ADIPOR1: variants seen among roughly 807,000 people sequenced by gnomAD.
ADIPOR1 encodes the protein adiponectin receptor protein 1.
Under a neutral mutation model 37.5 loss-of-function variants are expected in ADIPOR1, and 15 were observed. The ratio of observed to expected loss-of-function variants is 0.40; its 90% CI spans 0.27 to 0.62. The LOEUF (loss-of-function observed/expected upper bound fraction) is 0.62. Ranked by LOEUF, ADIPOR1 falls within the 20% of genes least tolerant of loss-of-function variation. ADIPOR1 has a pLI of 0.42. For synonymous variants in ADIPOR1, 173 were observed against 173.2 expected, an observed-to-expected ratio of 1.00 and a Z score of 0.01; for missense variants, 286 against 478.0, an observed-to-expected ratio of 0.60 and a Z score of 3.75.
In ADIPOR1 at chr1:202,945,129, G is replaced by A. The variant is rs751230747; in HGVS notation, c.471C>T (p.Leu157=). The A allele has an allele frequency of 6.2e-7, 1 of 1,612,848 alleles. No individual in the cohort carries two copies. Among genetic ancestry groups the A allele is most frequent in the Admixed American group, 1.7e-5 (1 of 59,648 alleles). The change falls in exon 5 of 8, where the codon CTC becomes CTT. Residue 157 remains leucine (L), a synonymous_variant. Transcript: ENST00000340990. ...GGGCCATGAAGTACATATTTGGTCT[G>A]AGCATGGTCAAGATTCCCAAAAAGA... The part of the protein sequence containing the change: ...LFLFLGILTM[L]RPNMYFMAPL...
rs1331188165 is a variant in ADIPOR1 at position 202,942,182 on chromosome 1, G to A, written c.842C>T (p.Pro281Leu). Reference protein sequence around the residue: ...FLGLGLSGVVPTMHFTIAEGF... With the variant: ...FLGLGLSGVVLTMHFTIAEGF... ...CTCAGCGATAGTAAAGTGCATGGTG[G>A]GCACGACGCCACTCAAGCCAAGTCC... The change falls in exon 7 of 8, where the codon CCC becomes CTC. Residue 281 changes from proline to leucine, a missense_variant. By Grantham distance (98) the Pro-to-Leu change is moderately conservative (BLOSUM62 -3). Transcript: ENST00000340990. 6.2e-7 allele frequency: 1 copy of A among 1,613,962 alleles called. No homozygotes were observed.
chr1:202,954,349 G>A (rs1654697166), intron 1 of ADIPOR1: 1 of 152,324 alleles, frequency 6.6e-6, no homozygotes, highest in Admixed American at 6.5e-5. Flanking sequence ...ATAGGGATCG[G>A]ACGTCTGGCA....
chr1:202,950,830 T>C (rs1654546616), intron 2 of ADIPOR1, 100 bp downstream of exon 2: 12 of 1,485,028 alleles, frequency 8.1e-6, no homozygotes, highest in Admixed American at 5.4e-5. Flanking sequence ...CAGGATGCAA[T>C]GTTCCTCCTT....
At position 202,943,761 on chromosome 1, in the gene ADIPOR1, C is replaced by A; in HGVS notation, c.802G>T (p.Ala268Ser). The A allele has an allele frequency of 6.2e-7, 1 of 1,613,046 alleles. No individual in the cohort carries two copies. The highest frequency in any genetic ancestry group is 8.5e-7 in the Non-Finnish European group (1 of 1,179,888). ...GTACGTACATCTTCCGACCTACCTG[C>A]TCTTGTCTGCCGGTGCTTAGGAGTG... is the stretch of plus-strand genomic sequence containing the variant. ...FATPKHRQTR[A>S]GVFLGLGLSG... is the part of the protein sequence containing the mutation. Residue 268 changes from alanine to serine, a missense_variant, in exon 6 of 8, where the codon GCA becomes TCA. By Grantham distance (99) the Ala-to-Ser change is moderately conservative. Transcript: ENST00000340990.
At position 202,948,427 on chromosome 1, in the gene ADIPOR1, G is replaced by T. The variant is rs1654421310; in HGVS notation, c.142-7C>A. On this transcript the variant is annotated splice_polypyrimidine_tract_variant and splice_region_variant and intron_variant, in intron 2 of 7. Transcript: ENST00000340990. ...ATGTTTGCTCTTCTTCAGCCTATGG[G>T]GGAAAAAACCCACAACAATCCAGGG... The T allele has an allele frequency of 6.2e-7, 1 of 1,611,778 alleles. No homozygotes were observed. The highest frequency in any genetic ancestry group is 1.7e-5 in the Admixed American group (1 of 59,976).
At chr1:202,941,815 AACATT>A in intron 7 of ADIPOR1, 114 bp from the exon 8 acceptor site, 1 of 1,365,276 alleles carries the variant, frequency 7.3e-7, no homozygotes, top group South Asian at 1.5e-5. Context: ...ATTTGTTAAT[AACATT>A]AAAGTGGTAT....
intron 6 of ADIPOR1, among the ~76,000 whole-genome samples, chr1:202,942,846 A>G (rs1483097750): frequency 2.0e-5 from 3 of 148,054 alleles, no homozygotes; most frequent in African/African-American, 7.5e-5. Flanking sequence ...AATTATTATT[A>G]TTTTTTTCTT....
At chr1:202,957,050 A>G (rs1462990632) in intron 1 of ADIPOR1, among the ~76,000 whole-genome samples, 2 of 152,218 alleles carry the variant, frequency 1.3e-5, no homozygotes, top group Non-Finnish European at 2.9e-5. Context: ...ATGGGTACAT[A>G]AAAGTTATTC....
chr1:202,945,252 G>T, intron 4 of ADIPOR1, 83 bp from the exon 5 acceptor site: 1 of 1,261,960 alleles, frequency 7.9e-7, no homozygotes, highest in Non-Finnish European at 1.1e-6. Flanking sequence ...GAATCAGAGA[G>T]CTACAGGCAA....
chr1:202,958,547 C>G (rs1654880121), upstream of ADIPOR1: 1 of 152,434 alleles, frequency 6.6e-6, no homozygotes, highest in East Asian at 1.9e-4. Flanking sequence ...CACTCCACCT[C>G]GTTATCGCAG....
chr1:202,958,189 G>C lies in ADIPOR1; in HGVS notation c.-99C>G, dbSNP rs1177189440. 1 of 151,934 alleles carries C rather than the reference G, an allele frequency of 6.6e-6. No homozygotes were observed. The highest frequency in any genetic ancestry group is 1.5e-5 in the Non-Finnish European group (1 of 68,004). 9.4% of individuals were successfully genotyped at this position (151,934 alleles called of 1,614,324 possible). ...CGCAGCCCCTGGGAGACTTACAGCC[G>C]GGCAGGCGGGCTCTGCTGGGGGCCG... is the stretch of plus-strand genomic sequence containing the variant. On this transcript the variant is annotated 5_prime_UTR_variant, in exon 1 of 8. Transcript: ENST00000340990.
chr1:202,957,816 C>T (rs1420931950), intron 1 of ADIPOR1, among the ~76,000 whole-genome samples: 1 of 152,184 alleles, frequency 6.6e-6, no homozygotes, highest in African/African-American at 2.4e-5. Context: ...CCACGCGCGG[C>T]GGCCTCGGGG....
At chr1:202,942,960 C>T (rs1212253060) in intron 6 of ADIPOR1, among the ~76,000 whole-genome samples, 1 of 150,998 alleles carries the variant, frequency 6.6e-6, no homozygotes, top group East Asian at 1.9e-4. Flanking sequence ...CTGCCCCCGA[C>T]CAGGTTCAAG....
At chr1:202,947,636 T>C (rs1360222744) in intron 3 of ADIPOR1, among the ~76,000 whole-genome samples, 1 of 152,154 alleles carries the variant, frequency 6.6e-6, no homozygotes, top group Non-Finnish European at 1.5e-5. Flanking sequence ...TACAGATCCC[T>C]CCTTTGCCCC....
At chr1:202,942,274 C>A in intron 6 of ADIPOR1, 56 bp from the exon 7 acceptor site, 2 of 1,495,730 alleles carry the variant, frequency 1.3e-6, no homozygotes. Flanking sequence ...GCATGGAAGG[C>A]ACTGCTGTCT....
At chr1:202,944,898 T>G in intron 5 of ADIPOR1, 85 bp downstream of exon 5, 14 of 1,293,120 alleles carry the variant, frequency 1.1e-5, no homozygotes, top group African/African-American at 1.5e-5. Flanking sequence ...AGGAGTGATA[T>G]GAGCTCCTAT....
chr1:202,944,159 C>G, intron 5 of ADIPOR1: 1 of 493,336 alleles, frequency 2.0e-6, no homozygotes. Flanking sequence ...CTAAGAATCC[C>G]CATTCAAAGA....
At chr1:202,953,021 G>A (rs533869127) in intron 1 of ADIPOR1, among the ~76,000 whole-genome samples, 1 of 152,264 alleles carries the variant, frequency 6.6e-6, no homozygotes, top group Admixed American at 6.5e-5. Flanking sequence ...TCCTTTAAAT[G>A]TGCAAGACTC....
intron 4 of ADIPOR1, among the ~76,000 whole-genome samples, 171 bp downstream of exon 4, chr1:202,946,268 G>A (rs1654313017): frequency 6.6e-6 from 1 of 152,058 alleles, no homozygotes; most frequent in Non-Finnish European, 1.5e-5. Flanking sequence ...TTTACTCTCA[G>A]TCTTAAAGAT....
Sources: allele counts gnomAD v4.1 joint callset (sites outside exome capture counted in the v4.1 genomes callset), GRCh38; gene constraint gnomAD v4.1.1; transcripts MANE v1.5; gene names NCBI Gene and HGNC (gene_info 2026-07-23, HGNC 2026-07-21).